The following NEK8 variants were observed in gnomAD, a reference collection of about 807,000 sequenced individuals.
The protein encoded by NEK8 is serine/threonine-protein kinase Nek8.
NEK8 carries 51 observed loss-of-function variants against 77.2 expected under a neutral mutation model. The ratio of observed to expected loss-of-function variants is 0.66; its 90% CI spans 0.53 to 0.83. NEK8 has a LOEUF of 0.83. Among genes scored for constraint, NEK8 ranks in the 40% least tolerant of loss-of-function variants. The pLI is 0.00. For missense variants in NEK8, 787 were observed against 909.2 expected (o/e 0.87, Z 1.73); for synonymous variants, 365 against 363.2 (o/e 1.00, Z -0.06).
rs2034418526 is a variant in NEK8, at chr17:28,741,223, A to T, written c.1878A>T (p.Val626=). The change falls in exon 13 of 15, where the codon GTA becomes GTT. Residue 626 remains valine, a synonymous_variant. Coordinates refer to ENST00000268766, the MANE Select transcript of NEK8 (RefSeq NM_178170.3). The surrounding 1 kb of genome is among the most constrained non-coding windows in gnomAD (Gnocchi z 4.5). ...AMVACGDAFT[V]AIGAESEVYS... ...TAGCCTGTGGGGATGCCTTCACTGT[A>T]GCTATTGGGGCAGGTGAGGACTGAG... 6.2e-7 allele frequency: 1 copy of T among 1,607,880 alleles called. No individual in the cohort carries two copies. The highest frequency in any genetic ancestry group is 8.5e-7 in the Non-Finnish European group (1 of 1,176,758).
chr17:28,741,418 G>T lies in NEK8; in HGVS notation c.1897G>T (p.Glu633Ter). ...CTGGGGATTCTTCCTGGCAGAGAGC[G>T]AAGTGTACTCTTGGGGCAAAGGGGC... ...AFTVAIGAES[E>*]VYSWGKGARG... Residue 633 changes from glutamate (E) to a stop codon, truncating the protein, a stop_gained, in exon 14 of 15, where the codon GAA becomes TAA. Transcript: ENST00000268766. LOFTEE classifies it high-confidence loss of function. This position sits in a 1 kb window ranked among gnomAD's most constrained non-coding sequence, Gnocchi z 4.5. 4 of 1,614,072 alleles carry T rather than the reference G, an allele frequency of 2.5e-6. No individual in the cohort carries two copies. Among genetic ancestry groups the T allele is most frequent in the Non-Finnish European group, 3.4e-6 (4 of 1,179,996 alleles).
In NEK8 at chr17:28,740,459, G is replaced by T. The variant is rs201812598; in HGVS notation, c.1418-4G>T. On this transcript the variant is annotated splice_polypyrimidine_tract_variant and splice_region_variant and intron_variant, in intron 10 of 14. Transcript: ENST00000268766. This position sits in a 1 kb window ranked among gnomAD's most constrained non-coding sequence, Gnocchi z 4.7. ...ATTAACTCCTTCTGGGTTTCTTCTT[G>T]TAGGCAGACTGGGGCTAGGCACCAG... 1 of 1,614,040 alleles carries T rather than the reference G, an allele frequency of 6.2e-7. No individual in the cohort carries two copies. Among genetic ancestry groups the T allele is most frequent in the East Asian group, 2.2e-5 (1 of 44,884 alleles).
rs1214329277 is a variant in NEK8 at position 28,737,124 on chromosome 17, G to T, written c.619-182G>T. 6.6e-6 allele frequency among the ~76,000 whole-genome samples: 1 copy of T among 152,262 alleles called. No individual in the cohort carries two copies. The highest frequency in any genetic ancestry group is 2.1e-4 in the South Asian group (1 of 4,828). On this transcript the variant is annotated intron_variant, in intron 4 of 14. Coordinates refer to ENST00000268766, the MANE Select transcript of NEK8 (RefSeq NM_178170.3). This position sits in a 1 kb window ranked among gnomAD's most constrained non-coding sequence, Gnocchi z 4.8. ...CTGAGGGCTCTGTTCTGTTCCATTG[G>T]TCTATATCTCTGTTTTGGTACCAGT...
chr17:28,741,698 GCTGCGGTTGAAAAGCTTCAAGCTTC>G lies in NEK8; in HGVS notation c.2050+132_2050+156del. 1 of 1,269,564 alleles carries G rather than the reference GCTGCGGTTGAAAAGCTTCAAGCTTC, an allele frequency of 7.9e-7. No homozygotes were observed. The highest frequency in any genetic ancestry group is 1.1e-6 in the Non-Finnish European group (1 of 876,906). The allele number at this position is 1,269,564 out of a possible 1,614,324, so 78.6% of individuals were successfully genotyped here. A position where few individuals can be genotyped will look rare whatever the true frequency, so the allele number is the denominator to read the frequency against. On this transcript the variant is annotated intron_variant, in intron 14 of 14. Coordinates refer to ENST00000268766, the MANE Select transcript of NEK8 (RefSeq NM_178170.3). This position sits in a 1 kb window ranked among gnomAD's most constrained non-coding sequence, Gnocchi z 4.5. The stretch of plus-strand genomic sequence containing the variant: ...TAGCCCCCAGATAAAAAAAGCAGAA[GCTGCGGTTGAAAAGCTTCAAGCTTC>G]CTGCCTGGGGTGGCCAAGGCTGGTG...
rs2034385401 is a variant in NEK8 at position 28,738,131 on chromosome 17, C to G, written c.1108C>G (p.Pro370Ala). 2 of 1,613,910 alleles carry G rather than the reference C, an allele frequency of 1.2e-6. No homozygotes were observed. The highest frequency in any genetic ancestry group is 1.7e-6 in the Non-Finnish European group (2 of 1,179,950). ...AGGTGCAGGCGGAGGCAGTCTCCTT[C>G]CTGGGGCAGTGGAGCAGCCACAGCC... is the stretch of plus-strand genomic sequence containing the variant. ...PLGAGGGSLL[P>A]GAVEQPQPQF... The change falls in exon 8 of 15, where the codon CCT becomes GCT. Residue 370 changes from proline to alanine, a missense_variant. Pro to Ala is a conservative substitution (Grantham distance 27, BLOSUM62 -1). Transcript: ENST00000268766.
In NEK8 at chr17:28,734,256, C is replaced by T. The variant is rs528732235; in HGVS notation, c.253+68C>T. On this transcript the variant is annotated intron_variant, in intron 2 of 14. Transcript: ENST00000268766. ...ACCTCTGGGACAGGCAGACACAGAT[C>T]TCCTGGCTTCCCTCCTTGGAATGGG... is the stretch of plus-strand genomic sequence containing the variant. 4.0e-5 allele frequency: 55 copies of T among 1,373,346 alleles called. 1 individual carries two copies. In the South Asian group the frequency reaches 5.8e-4, roughly 15 times the overall value. The allele number at this position is 1,373,346 out of a possible 1,614,324, so 85.1% of individuals were successfully genotyped here. A position where few individuals can be genotyped will look rare whatever the true frequency, so the allele number is the denominator to read the frequency against.
Position 28,740,893 on chromosome 17 carries a change from C to T in NEK8, c.1640C>T (p.Ala547Val), listed in dbSNP as rs753606312. ...GTCCCCCACCAGCAAGTGGAGGAGG[C>T]CCTGAGCTTCACACTACTAGGCTCT... ...EPVPHQQVEE[A>V]LSFTLLGSAP... Residue 547 changes from alanine (A) to valine (V), a missense_variant, in exon 12 of 15, where the codon GCC (alanine) becomes GTC (valine). By Grantham distance (64) the Ala-to-Val change is moderately conservative. This residue lies in a region of NEK8 where 516 missense variants were observed against 544.0 expected (regional missense o/e 0.95). Transcript: ENST00000268766. The surrounding 1 kb of genome is among the most constrained non-coding windows in gnomAD (Gnocchi z 4.7). The T allele has an allele frequency of 1.2e-6, 2 of 1,613,932 alleles. No individual in the cohort carries two copies. The highest frequency in any genetic ancestry group is 1.7e-6 in the Non-Finnish European group (2 of 1,179,972).
chr17:28,731,282 G>A (rs1053299063), intron 1 of NEK8, among the ~76,000 whole-genome samples: 4 of 151,770 alleles, frequency 2.6e-5, no homozygotes, highest in African/African-American at 9.7e-5. Context: ...GGTCATGCCT[G>A]TAATCCCAGC....
At chr17:28,734,326 C>G in intron 2 of NEK8, 138 bp downstream of exon 2, 2 of 784,436 alleles carry the variant, frequency 2.5e-6, no homozygotes, top group Non-Finnish European at 4.4e-6. Context: ...CTGACCCCGG[C>G]TAGCCCCTTG....
intron 1 of NEK8, 80 bp downstream of exon 1, chr17:28,728,940 G>A (rs890148346): frequency 1.9e-5 from 24 of 1,273,058 alleles, no homozygotes; most frequent in Non-Finnish European, 2.5e-5. Context: ...GTCGCCGCCC[G>A]CCTAATCCCG....
Position 28,740,931 on chromosome 17 carries a change from C to G in NEK8, c.1678C>G (p.Gln560Glu), listed in dbSNP as rs757099836. ...ACTACTAGGCTCTGCACCCCTGGAC[C>G]AGGAGCCTCTGCTGAGTATAGACCT... ...FTLLGSAPLDQEPLLSIDLGT... is the reference protein window; with the variant it reads ...FTLLGSAPLDEEPLLSIDLGT... The change falls in exon 12 of 15, where the codon CAG becomes GAG. Residue 560 changes from glutamine to glutamate, a missense_variant. Gln to Glu is a conservative substitution (Grantham distance 29). Transcript: ENST00000268766. The surrounding 1 kb of genome is among the most constrained non-coding windows in gnomAD (Gnocchi z 4.7). 9 of 1,614,152 alleles carry G rather than the reference C, an allele frequency of 5.6e-6. No homozygotes were observed. Among genetic ancestry groups the G allele is most frequent in the Non-Finnish European group, 7.6e-6 (9 of 1,180,024 alleles).
rs371307482 is a variant in NEK8 at position 28,728,876 on chromosome 17, G to A, written c.47+16G>A. 1 of 1,547,550 alleles carries A rather than the reference G, an allele frequency of 6.5e-7. No individual in the cohort carries two copies. Among genetic ancestry groups the A allele is most frequent in the Non-Finnish European group, 8.7e-7 (1 of 1,143,314 alleles). ...GTGCCTTCGGGTGAGCCAGGGCTCTGGGGGAGGAAACTGCTAGGGGATAGG... is the reference window on the plus strand; with the variant it reads ...GTGCCTTCGGGTGAGCCAGGGCTCTAGGGGAGGAAACTGCTAGGGGATAGG... On this transcript the variant is annotated intron_variant, in intron 1 of 14. Transcript: ENST00000268766.
chr17:28,742,714 C>G lies in NEK8; in HGVS notation c.*727C>G, dbSNP rs1186023273. On this transcript the variant is annotated 3_prime_UTR_variant, in exon 15 of 15. Transcript: ENST00000268766. ...GGAGGATCCCTTGATCCCTTGTGGC[C>G]AGGAGTTGGGAGACCAGCCTGGGGA... The G allele has an allele frequency of 6.6e-6, 1 of 150,858 alleles. No individual in the cohort carries two copies. The highest frequency in any genetic ancestry group is 1.5e-5 in the Non-Finnish European group (1 of 68,084). 9.3% of individuals were successfully genotyped at this position (150,858 alleles called of 1,614,324 possible).
In NEK8 at chr17:28,737,805, C is replaced by T; in HGVS notation, c.890-14C>T. On this transcript the variant is annotated splice_polypyrimidine_tract_variant and intron_variant, in intron 6 of 14. Coordinates refer to ENST00000268766, the MANE Select transcript of NEK8 (RefSeq NM_178170.3). This position sits in a 1 kb window ranked among gnomAD's most constrained non-coding sequence, Gnocchi z 4.8. ...TCCCATCAGTTTAATAGTCCCCATG[C>T]ACTGTACCTGCAGGTATCCCCCGGG... The T allele has an allele frequency of 6.2e-7, 1 of 1,614,146 alleles. No individual in the cohort carries two copies. Among genetic ancestry groups the T allele is most frequent in the Non-Finnish European group, 8.5e-7 (1 of 1,179,998 alleles).
rs770284675 is a variant in NEK8, at chr17:28,739,168, C to T, written c.1384C>T (p.Arg462Ter). The change falls in exon 10 of 15, where the codon CGA becomes TGA. Residue 462 changes from arginine (R) to a stop codon, truncating the protein, a stop_gained. Transcript: ENST00000268766. LOFTEE classifies it high-confidence loss of function. ...TCACGTGCTGGCCCTGTCCACTGAG[C>T]GAGAACTATTTGCCTGGGGCCGTGG... ...ASHVLALSTERELFAWGRGDS... is the reference protein window; with the variant it reads ...ASHVLALSTE 12 of 1,614,014 alleles carry T rather than the reference C, an allele frequency of 7.4e-6. No individual in the cohort carries two copies. The highest frequency in any genetic ancestry group is 5.5e-5 in the South Asian group (5 of 91,084).
At chr17:28,732,966 T>G (rs1377501842) in intron 1 of NEK8, 1 of 151,898 alleles carries the variant, frequency 6.6e-6, no homozygotes, top group African/African-American at 2.4e-5. Flanking sequence ...TTCAATGTCC[T>G]AGGCTCAGGT....
intron 9 of NEK8, 81 bp from the exon 10 acceptor site, chr17:28,739,003 G>A: frequency 9.7e-7 from 1 of 1,034,566 alleles, no homozygotes; most frequent in Non-Finnish European, 1.5e-6. Context: ...GTAGCCTCCA[G>A]CTTTGTCCCT....
rs1597802669 is a variant in NEK8, at chr17:28,728,846, G to A, written c.33G>A (p.Gly11=). The A allele has an allele frequency of 6.4e-7, 1 of 1,551,606 alleles. No homozygotes were observed. The highest frequency in any genetic ancestry group is 1.2e-5 in the South Asian group (1 of 84,072). The part of the protein sequence containing the change: MEKYERIRVV[G]RGAFGIVHLC... ...AGTACGAGCGGATCCGAGTGGTGGG[G>A]AGAGGTGCCTTCGGGTGAGCCAGGG... The change falls in exon 1 of 15, where the codon GGG becomes GGA. Residue 11 remains glycine (G), a synonymous_variant. Transcript: ENST00000268766.
intron 1 of NEK8, among the ~76,000 whole-genome samples, chr17:28,730,161 G>A (rs1048600716): frequency 6.6e-6 from 1 of 152,084 alleles, no homozygotes; most frequent in African/African-American, 2.4e-5. Flanking sequence ...CGCTCAGGCT[G>A]GAGTGTAGTG....
Sources: gnomAD v4.1 joint callset for allele counts (sites outside exome capture counted in the v4.1 genomes callset) on GRCh38, gnomAD v4.1.1 for gene constraint, gnomAD v4.1.1 regional missense constraint, Gnocchi (gnomAD v3.1) non-coding constraint, MANE v1.5 for transcripts, NCBI Gene and HGNC (gene_info 2026-07-23, HGNC 2026-07-21) for gene names.